The following SFXN1 variants were observed in gnomAD, a reference collection of about 807,000 sequenced individuals.
SFXN1 encodes sideroflexin 1, also known as sideroflexin-1.
In SFXN1, 32 loss-of-function variants were observed where a neutral mutation model predicts 39.5. The ratio of observed to expected loss-of-function variants is 0.81; its 90% CI spans 0.61 to 1.09. SFXN1 has a LOEUF of 1.09. SFXN1 is among the 50% of genes least tolerant of loss of function. The probability of loss-of-function intolerance (pLI) is 0.00; values close to 1 mark genes in which losing one functional copy is unlikely to be tolerated. For synonymous variants in SFXN1, 136 were observed against 146.5 expected (o/e 0.93, Z 0.52); for missense variants, 402 against 407.1 (o/e 0.99, Z 0.11).
intron 6 of SFXN1, 111 bp from the exon 7 acceptor site, chr5:175,513,352 T>G: frequency 1.0e-6 from 1 of 968,742 alleles, no homozygotes; most frequent in South Asian, 2.0e-5. Flanking sequence ...AAAATGACAC[T>G]TGAGTGGGTA....
At chr5:175,498,523 T>C (rs2113298066) in intron 2 of SFXN1, among the ~76,000 whole-genome samples, 1 of 152,256 alleles carries the variant, frequency 6.6e-6, no homozygotes, top group East Asian at 1.9e-4. Flanking sequence ...GGAGTTCATT[T>C]TAAAAGTCTG....
At chr5:175,481,096 G>A (rs1256928734) in intron 1 of SFXN1, among the ~76,000 whole-genome samples, 9 of 152,106 alleles carry the variant, frequency 5.9e-5, no homozygotes, top group Non-Finnish European at 1.3e-4. Context: ...TCTTATACAT[G>A]GATGGTAAAA....
chr5:175,502,123 T>G (rs916964242), intron 2 of SFXN1, among the ~76,000 whole-genome samples: 2 of 152,168 alleles, frequency 1.3e-5, no homozygotes, highest in Non-Finnish European at 2.9e-5. Flanking sequence ...GCCAGATTAC[T>G]GGTCTGGATG....
intron 2 of SFXN1, among the ~76,000 whole-genome samples, chr5:175,499,320 T>TTCATTATTCA (rs574854900): frequency 6.4e-4 from 97 of 151,062 alleles, no homozygotes; most frequent in African/African-American, 2.1e-3. Context: ...CAGGAAACAC[T>TTCATTATTCA]TCATTATTCA....
chr5:175,500,989 A>G (rs1433803518), intron 2 of SFXN1, among the ~76,000 whole-genome samples: 2 of 152,192 alleles, frequency 1.3e-5, no homozygotes. Flanking sequence ...TAGTAGACCT[A>G]AATATACTAG....
At chr5:175,519,593 T>G (rs950589704) in intron 8 of SFXN1, among the ~76,000 whole-genome samples, 15 of 152,302 alleles carry the variant, frequency 9.8e-5, no homozygotes, top group African/African-American at 3.4e-4. Flanking sequence ...CTAGAAAATG[T>G]AAACTAATAT....
intron 1 of SFXN1, among the ~76,000 whole-genome samples, chr5:175,483,421 C>T (rs1759329472): frequency 1.3e-5 from 2 of 152,144 alleles, no homozygotes; most frequent in Non-Finnish European, 2.9e-5. Context: ...TCTTTAAAAT[C>T]ATTCATGAAA....
intron 1 of SFXN1, among the ~76,000 whole-genome samples, chr5:175,489,154 T>G (rs990942537): frequency 3.3e-5 from 5 of 152,214 alleles, no homozygotes; most frequent in Non-Finnish European, 7.3e-5. Context: ...TTTTTTCTCC[T>G]AAGTATTTAG....
At chr5:175,494,751 TAA>T (rs1286516959) in intron 2 of SFXN1, among the ~76,000 whole-genome samples, 39 of 121,918 alleles carry the variant, frequency 3.2e-4, no homozygotes, top group Admixed American at 5.1e-4. Context: ...AAACTCCACC[TAA>T]AAAAAAAAAA....
At chr5:175,488,450 G>A (rs892160713) in intron 1 of SFXN1, among the ~76,000 whole-genome samples, 1 of 152,066 alleles carries the variant, frequency 6.6e-6, no homozygotes, top group African/African-American at 2.4e-5. Context: ...TTACATGCAT[G>A]CACCACCACG....
At chr5:175,511,141 G>T (rs145165365) in intron 4 of SFXN1, among the ~76,000 whole-genome samples, 136 of 152,226 alleles carry the variant, frequency 8.9e-4, no homozygotes, top group African/African-American at 3.2e-3. Context: ...CCTACACACA[G>T]CTCCCCTCCT....
intron 3 of SFXN1, among the ~76,000 whole-genome samples, chr5:175,509,696 T>C (rs1760443962): frequency 6.6e-6 from 1 of 152,144 alleles, no homozygotes; most frequent in Non-Finnish European, 1.5e-5. Context: ...TAGGTATAAG[T>C]GTAGATATAG....
chr5:175,504,886 G>A lies in SFXN1; in HGVS notation c.165-4146G>A, dbSNP rs371638295. 4.0e-5 allele frequency among the ~76,000 whole-genome samples: 6 copies of A among 151,876 alleles called. No individual in the cohort carries two copies. In the East Asian group the frequency reaches 5.9e-4, roughly 15 times the overall value. ...TGGGGCTACAGGCGCCCGCCACCACGCCCAGCTGATTTTTTGTATTTTTAG... is the reference window on the plus strand; with the variant it reads ...TGGGGCTACAGGCGCCCGCCACCACACCCAGCTGATTTTTTGTATTTTTAG... On this transcript the variant is annotated intron_variant, in intron 2 of 10. Transcript: ENST00000321442.
intron 2 of SFXN1, among the ~76,000 whole-genome samples, chr5:175,505,648 G>T (rs1190850291): frequency 6.6e-6 from 1 of 151,750 alleles, no homozygotes; most frequent in South Asian, 2.1e-4. Context: ...CGTGTGGGAC[G>T]GTTGCTCTAC....
intron 2 of SFXN1, among the ~76,000 whole-genome samples, chr5:175,493,170 A>G (rs1759722319): frequency 6.6e-6 from 1 of 152,018 alleles, no homozygotes; most frequent in African/African-American, 2.4e-5. Context: ...GGAGAATGGC[A>G]TGAAGCCAGG....
At chr5:175,501,722 T>C (rs982282059) in intron 2 of SFXN1, among the ~76,000 whole-genome samples, 2 of 152,168 alleles carry the variant, frequency 1.3e-5, no homozygotes, top group Non-Finnish European at 2.9e-5. Context: ...CAAGTAAGCA[T>C]ATGGAACTAT....
chr5:175,478,854 G>T (rs569173154), intron 1 of SFXN1, among the ~76,000 whole-genome samples: 1 of 152,050 alleles, frequency 6.6e-6, no homozygotes, highest in African/African-American at 2.4e-5. Context: ...TCCTGCGGCC[G>T]GACAACACCA....
intron 2 of SFXN1, among the ~76,000 whole-genome samples, chr5:175,502,342 G>A (rs1760116605): frequency 6.6e-6 from 1 of 152,046 alleles, no homozygotes; most frequent in African/African-American, 2.4e-5. Flanking sequence ...GGTCTTGGGG[G>A]GTGTTATCAA....
chr5:175,505,572 A>ATAATAATAATAATAATTC (rs1156627589), intron 2 of SFXN1, among the ~76,000 whole-genome samples: 7 of 148,098 alleles, frequency 4.7e-5, no homozygotes, highest in African/African-American at 7.4e-5. Flanking sequence ...AATAATAATA[A>ATAATAATAATAATAATTC]TTCTAAGGTT....
Sources: allele counts gnomAD v4.1 joint callset (sites outside exome capture counted in the v4.1 genomes callset), GRCh38; gene constraint gnomAD v4.1.1; transcripts MANE v1.5; gene names NCBI Gene and HGNC (gene_info 2026-07-23, HGNC 2026-07-21).